The following DERA variants were observed in gnomAD, a reference collection of about 807,000 sequenced individuals.
DERA encodes the protein deoxyribose-phosphate aldolase, also known as 2-deoxy-D-ribose 5-phosphate aldolase.
DERA carries 15 observed loss-of-function variants against 41.1 expected under a neutral mutation model. The ratio of observed to expected loss-of-function variants is 0.37; its 90% CI spans 0.24 to 0.56. The LOEUF is 0.56. Among genes scored for constraint, DERA ranks in the 20% least tolerant of loss-of-function variants. The probability of loss-of-function intolerance (pLI) is 0.81; values close to 1 mark genes in which losing one functional copy is unlikely to be tolerated. For missense variants in DERA, 396 were observed against 403.4 expected (o/e 0.98, Z 0.16); for synonymous variants, 139 against 137.4 (o/e 1.01, Z -0.08).
chr12:15,914,921 G>A (rs1488090249), intron 1 of DERA, among the ~76,000 whole-genome samples: 3 of 152,138 alleles, frequency 2.0e-5, no homozygotes, highest in Non-Finnish European at 4.4e-5. Context: ...GATTACAGGT[G>A]CCTGCCACCA....
At chr12:15,980,547 T>C (rs934632090) in intron 5 of DERA, among the ~76,000 whole-genome samples, 10 of 152,176 alleles carry the variant, frequency 6.6e-5, no homozygotes, top group Non-Finnish European at 1.5e-4. Context: ...ATTTTTTTTT[T>C]CGCTCCATAG....
At position 16,020,037 on chromosome 12, in the gene DERA, G is replaced by A. The variant is rs1949008156; in HGVS notation, c.638-12505G>A. Among the ~76,000 whole-genome samples the A allele has an allele frequency of 6.6e-6, 1 of 152,156 alleles. No individual in the cohort carries two copies. Among genetic ancestry groups the A allele is most frequent in the African/African-American group, 2.4e-5 (1 of 41,434 alleles). On this transcript the variant is annotated intron_variant, in intron 6 of 8. Coordinates refer to ENST00000428559, the MANE Select transcript of DERA (RefSeq NM_015954.4). The surrounding 1 kb of genome is among the most constrained non-coding windows in gnomAD (Gnocchi z 5.5). ...CACTCCCACTCTCGCCATCTGACAT[G>A]CCTGCTCTCTTTGCTTTCTGCTGTG...
In DERA at chr12:15,940,252, T is replaced by C. The variant is rs1319710016; in HGVS notation, c.32-16684T>C. On this transcript the variant is annotated intron_variant, in intron 1 of 8. Transcript: ENST00000428559. The surrounding 1 kb of genome is among the most constrained non-coding windows in gnomAD (Gnocchi z 5.1). ...TCAATATTCAAATTAACTGATTTTC[T>C]GTTTGAGGCATCTATGACTCTGCTA... 1.3e-5 allele frequency among the ~76,000 whole-genome samples: 2 copies of C among 152,260 alleles called. No homozygotes were observed. The highest frequency in any genetic ancestry group is 2.9e-5 in the Non-Finnish European group (2 of 68,042).
At position 15,911,623 on chromosome 12, in the gene DERA, T is replaced by C. The variant is rs1948164402; in HGVS notation, c.31+209T>C. ...CCGCTTGTCTTTGCACCTAAGCTTT[T>C]ACTCTTGTATGCGGAAGGAGTAGGA... On this transcript the variant is annotated intron_variant, in intron 1 of 8. Transcript: ENST00000428559. The surrounding 1 kb of genome is among the most constrained non-coding windows in gnomAD (Gnocchi z 4.5). 5 of 697,936 alleles carry C rather than the reference T, an allele frequency of 7.2e-6. No homozygotes were observed. Among genetic ancestry groups the C allele is most frequent in the South Asian group, 4.5e-5 (3 of 66,630 alleles). The allele number at this position is 697,936 out of a possible 1,614,324, so 43.2% of individuals were successfully genotyped here.
chr12:16,031,657 G>A (rs577831493), intron 6 of DERA, among the ~76,000 whole-genome samples: 1 of 152,246 alleles, frequency 6.6e-6, no homozygotes, highest in South Asian at 2.1e-4. Context: ...TGTGAACCTA[G>A]GTAAGTTTAT....
chr12:15,918,147 T>G lies in DERA; in HGVS notation c.31+6733T>G, dbSNP rs1948214453. Among the ~76,000 whole-genome samples the G allele has an allele frequency of 6.6e-6, 1 of 152,192 alleles. No individual in the cohort carries two copies. The highest frequency in any genetic ancestry group is 6.5e-5 in the Admixed American group (1 of 15,272). On this transcript the variant is annotated intron_variant, in intron 1 of 8. Transcript: ENST00000428559. This position sits in a 1 kb window ranked among gnomAD's most constrained non-coding sequence, Gnocchi z 4.3. ...CCAGCAGATGTTCTTCTCACTGTTC[T>G]CAGGCTCTGACCCCTGAGCTGGGCC...
rs1308892182 is a variant in DERA at position 15,911,443 on chromosome 12, C to G, written c.31+29C>G. 1 of 1,411,782 alleles carries G rather than the reference C, an allele frequency of 7.1e-7. No individual in the cohort carries two copies. Among genetic ancestry groups the G allele is most frequent in the African/African-American group, 1.5e-5 (1 of 67,058 alleles). The allele number at this position is 1,411,782 out of a possible 1,614,324, so 87.5% of individuals were successfully genotyped here. The stretch of plus-strand genomic sequence containing the variant: ...AGGGGCCCGCGGGGCTCCCCATCCC[C>G]TCTCCCTCGCGTTCAGCGCCGCCGG... On this transcript the variant is annotated intron_variant, in intron 1 of 8. Transcript: ENST00000428559. This position sits in a 1 kb window ranked among gnomAD's most constrained non-coding sequence, Gnocchi z 4.5.
At chr12:15,956,152 C>A (rs572229697) in intron 1 of DERA, among the ~76,000 whole-genome samples, 1 of 152,252 alleles carries the variant, frequency 6.6e-6, no homozygotes, top group African/African-American at 2.4e-5. Context: ...GAATTGATTA[C>A]AAGTTCTGTG....
rs190034398 is a variant in DERA at position 15,949,117 on chromosome 12, G to T, written c.32-7819G>T. Among the ~76,000 whole-genome samples, 652 of 152,284 alleles carry T rather than the reference G, an allele frequency of 4.3e-3. 4 individuals carry two copies. Among genetic ancestry groups the T allele is most frequent in the Admixed American group, 7.6e-3 (116 of 15,298 alleles). On this transcript the variant is annotated intron_variant, in intron 1 of 8. Coordinates refer to ENST00000428559, the MANE Select transcript of DERA (RefSeq NM_015954.4). ...GGTGTCAGTCTGCTCCTACTGGGGG[G>T]TGCCTCCCAGTTAGGCTACTCAGGG...
intron 6 of DERA, among the ~76,000 whole-genome samples, chr12:15,997,291 G>C (rs1948844662): frequency 6.6e-6 from 1 of 151,456 alleles, no homozygotes; most frequent in Admixed American, 6.6e-5. Context: ...CCTCCGCATG[G>C]GTGAATATTT....
chr12:15,958,086 AC>A, intron 2 of DERA, 101 bp from the exon 3 acceptor site: 4 of 891,558 alleles, frequency 4.5e-6, no homozygotes, highest in Non-Finnish European at 6.7e-6. Context: ...AGATATTAAC[AC>A]CCATACTTGT....
chr12:15,977,464 T>C (rs757102008), intron 5 of DERA, among the ~76,000 whole-genome samples: 1 of 152,208 alleles, frequency 6.6e-6, no homozygotes, highest in East Asian at 1.9e-4. Flanking sequence ...TCTTTCTTTC[T>C]TTTTTGAGAT....
intron 1 of DERA, among the ~76,000 whole-genome samples, chr12:15,955,758 TGTAAACATTA>T (rs1948533568): frequency 6.6e-6 from 1 of 152,238 alleles, no homozygotes; most frequent in African/African-American, 2.4e-5. Context: ...GAATGTCATC[TGTAAACATTA>T]GTTTAGATGC....
chr12:15,949,675 G>A (rs543890896), intron 1 of DERA, among the ~76,000 whole-genome samples: 173 of 152,172 alleles, frequency 1.1e-3, no homozygotes, highest in East Asian at 1.5e-3. Context: ...GCCCTGCTTC[G>A]GCTCACGCTC....
Position 15,915,657 on chromosome 12 carries a change from C to T in DERA, c.31+4243C>T, listed in dbSNP as rs542321303. Among the ~76,000 whole-genome samples the T allele has an allele frequency of 7.2e-5, 11 of 152,298 alleles. 1 individual carries two copies. In the South Asian group the frequency reaches 2.3e-3, roughly 32 times the overall value. ...TATCTGTTTGCATAATAATTCTTCA[C>T]CTTATTTAATACCTACTGTGTGCAG... On this transcript the variant is annotated intron_variant, in intron 1 of 8. Transcript: ENST00000428559. The surrounding 1 kb of genome is among the most constrained non-coding windows in gnomAD (Gnocchi z 4.8).
rs1161066896 is a variant in DERA at position 15,915,890 on chromosome 12, G to A, written c.31+4476G>A. 2.0e-5 allele frequency among the ~76,000 whole-genome samples: 3 copies of A among 152,210 alleles called. No individual in the cohort carries two copies. Among genetic ancestry groups the A allele is most frequent in the African/African-American group, 7.2e-5 (3 of 41,448 alleles). ...AAACCAGTTAGGTATAGCTAATGTGGCAGAGCCAGAATTCAAGCCCAGGTG... is the reference window on the plus strand; with the variant it reads ...AAACCAGTTAGGTATAGCTAATGTGACAGAGCCAGAATTCAAGCCCAGGTG... On this transcript the variant is annotated intron_variant, in intron 1 of 8. Transcript: ENST00000428559. The surrounding 1 kb of genome is among the most constrained non-coding windows in gnomAD (Gnocchi z 4.8).
chr12:16,017,337 T>C lies in DERA; in HGVS notation c.638-15205T>C, dbSNP rs1948989609. 6.6e-6 allele frequency among the ~76,000 whole-genome samples: 1 copy of C among 152,208 alleles called. No homozygotes were observed. Among genetic ancestry groups the C allele is most frequent in the Non-Finnish European group, 1.5e-5 (1 of 68,036 alleles). On this transcript the variant is annotated intron_variant, in intron 6 of 8. Coordinates refer to ENST00000428559, the MANE Select transcript of DERA (RefSeq NM_015954.4). The surrounding 1 kb of genome is among the most constrained non-coding windows in gnomAD (Gnocchi z 5.5). ...CGTGATGGACTGGACCGACAGAGAA[T>C]TACTCTGTAGCTCACTATTCAGATT... is the stretch of plus-strand genomic sequence containing the variant.
Position 15,928,622 on chromosome 12 carries a change from T to C in DERA, c.31+17208T>C, listed in dbSNP as rs912934988. Reference sequence around the variant, plus strand: ...TTTTGCCTGTGGGTGTGTTGGACTCTTATTGCATGCTTTTCCCACCCCCGA... The same window carrying C: ...TTTTGCCTGTGGGTGTGTTGGACTCCTATTGCATGCTTTTCCCACCCCCGA... On this transcript the variant is annotated intron_variant, in intron 1 of 8. Coordinates refer to ENST00000428559, the MANE Select transcript of DERA (RefSeq NM_015954.4). The surrounding 1 kb of genome is among the most constrained non-coding windows in gnomAD (Gnocchi z 4.6). Among the ~76,000 whole-genome samples the C allele has an allele frequency of 6.6e-6, 1 of 152,158 alleles. No homozygotes were observed. The highest frequency in any genetic ancestry group is 2.4e-5 in the African/African-American group (1 of 41,442).
rs796417796 is a variant in DERA at position 16,001,550 on chromosome 12, G to A, written c.637+19114G>A. Reference sequence around the variant, plus strand: ...AGTCATGGTCTTAGGTCTGTGTGACGTGTTTGATGCTCTGCAAGGTGGTCA... The same window carrying A: ...AGTCATGGTCTTAGGTCTGTGTGACATGTTTGATGCTCTGCAAGGTGGTCA... On this transcript the variant is annotated intron_variant, in intron 6 of 8. Coordinates refer to ENST00000428559, the MANE Select transcript of DERA (RefSeq NM_015954.4). The surrounding 1 kb of genome is among the most constrained non-coding windows in gnomAD (Gnocchi z 4.1). 3.3e-4 allele frequency among the ~76,000 whole-genome samples: 50 copies of A among 152,314 alleles called. 1 individual carries two copies. The highest frequency in any genetic ancestry group is 1.1e-3 in the African/African-American group (44 of 41,560).
Sources: gnomAD v4.1 joint callset for allele counts (sites outside exome capture counted in the v4.1 genomes callset) on GRCh38, gnomAD v4.1.1 for gene constraint, Gnocchi (gnomAD v3.1) non-coding constraint, MANE v1.5 for transcripts, NCBI Gene and HGNC (gene_info 2026-07-23, HGNC 2026-07-21) for gene names.